VWA8: variants seen among roughly 807,000 people sequenced by gnomAD.
VWA8 encodes von Willebrand factor A domain containing 8, also known as von Willebrand factor A domain-containing protein 8.
Under a neutral mutation model 241.5 loss-of-function variants are expected in VWA8, and 221 were observed. The observed-to-expected ratio is 0.91, with a 90% CI of 0.82 to 1.02. The LOEUF (loss-of-function observed/expected upper bound fraction) is 1.02. VWA8 is among the 50% of genes least tolerant of loss of function. The pLI is 0.00. For synonymous variants in VWA8, 852 were observed against 827.1 expected (o/e 1.03, Z -0.52); for missense variants, 2,322 against 2,328.7 (o/e 1.00, Z 0.06).
chr13:41,958,129 C>T (rs1293285371), intron 1 of VWA8, among the ~76,000 whole-genome samples: 1 of 152,170 alleles, frequency 6.6e-6, no homozygotes, highest in East Asian at 1.9e-4. Context: ...TCTGACAGCA[C>T]AGGATAAAAA....
intron 20 of VWA8, among the ~76,000 whole-genome samples, chr13:41,770,354 TGGCGTGAACCCGGGA>T (rs2045810961): frequency 1.4e-5 from 2 of 147,338 alleles, no homozygotes; most frequent in Non-Finnish European, 3.0e-5. Flanking sequence ...GGCAGGAGAA[TGGCGTGAACCCGGGA>T]GGCAGAGCTT....
In VWA8 at chr13:41,739,848, G is replaced by GTTTT. The variant is rs1179107917; in HGVS notation, c.2427-7697_2427-7694dup. Among the ~76,000 whole-genome samples the GTTTT allele has an allele frequency of 3.9e-4, 20 of 50,910 alleles. 2 individuals carry two copies. The highest frequency in any genetic ancestry group is 5.7e-4 in the Non-Finnish European group (13 of 22,634). The allele number at this position is 50,910 out of a possible 152,430, so 33.4% of individuals were successfully genotyped here. A position where few individuals can be genotyped will look rare whatever the true frequency, so the allele number is the denominator to read the frequency against. On this transcript the variant is annotated intron_variant, in intron 21 of 44. Coordinates refer to ENST00000379310, the MANE Select transcript of VWA8 (RefSeq NM_015058.2). ...TTTTGTTTTTTTTTTTGTTTTTTTT[G>GTTTT]TTTTTTTTGTTTTTTTTTTTTTTTG...
chr13:41,746,847 T>C (rs1489836360), intron 21 of VWA8, among the ~76,000 whole-genome samples: 6 of 152,210 alleles, frequency 3.9e-5, no homozygotes, highest in Non-Finnish European at 4.4e-5. Flanking sequence ...TATTATAGTA[T>C]ATATAGGCTG....
At chr13:41,731,566 T>G (rs2137864508) in intron 22 of VWA8, among the ~76,000 whole-genome samples, 1 of 152,206 alleles carries the variant, frequency 6.6e-6, no homozygotes, top group South Asian at 2.1e-4. Context: ...TTTGCATATA[T>G]CCTCTCCTAA....
At chr13:41,609,663 T>C (rs2139659436) in intron 39 of VWA8, among the ~76,000 whole-genome samples, 1 of 152,308 alleles carries the variant, frequency 6.6e-6, no homozygotes. Context: ...TACATGAAAG[T>C]AGAAAGCAAC....
At chr13:41,901,725 A>G (rs1875434386) in intron 4 of VWA8, among the ~76,000 whole-genome samples, 2 of 150,982 alleles carry the variant, frequency 1.3e-5, no homozygotes, top group South Asian at 4.2e-4. Context: ...AATTACCCAA[A>G]TGTGATGGTG....
chr13:41,621,934 G>C (rs2044659658), intron 37 of VWA8, among the ~76,000 whole-genome samples: 1 of 152,162 alleles, frequency 6.6e-6, no homozygotes, highest in African/African-American at 2.4e-5. Context: ...ACACAAGGCA[G>C]TTTCACACCA....
chr13:41,664,892 T>C (rs995611578), intron 37 of VWA8, among the ~76,000 whole-genome samples: 2 of 152,190 alleles, frequency 1.3e-5, no homozygotes, highest in South Asian at 2.1e-4. Context: ...CTTTGCTGCA[T>C]GTTTTTTGGT....
chr13:41,756,647 T>C (rs2045696749), intron 21 of VWA8, among the ~76,000 whole-genome samples: 1 of 151,740 alleles, frequency 6.6e-6, no homozygotes, highest in Non-Finnish European at 1.5e-5. Flanking sequence ...TGTATATACA[T>C]CTCCATGGTG....
At chr13:41,886,472 G>T (rs1874544004) in intron 7 of VWA8, among the ~76,000 whole-genome samples, 1 of 151,840 alleles carries the variant, frequency 6.6e-6, no homozygotes, top group Non-Finnish European at 1.5e-5. Context: ...CATTATTTAG[G>T]ACCCATTTCA....
chr13:41,689,618 G>A, intron 33 of VWA8, 110 bp from the exon 34 acceptor site: 1 of 1,124,742 alleles, frequency 8.9e-7, no homozygotes, highest in Non-Finnish European at 1.2e-6. Flanking sequence ...AGTTAAAAAA[G>A]AGAAAACATT....
chr13:41,774,926 T>G (rs1868519799), intron 20 of VWA8, among the ~76,000 whole-genome samples: 1 of 152,034 alleles, frequency 6.6e-6, no homozygotes, highest in African/African-American at 2.4e-5. Flanking sequence ...CCCAGCTTAT[T>G]ACTTTTCCAT....
At chr13:41,711,201 T>C (rs186003387) in intron 26 of VWA8, among the ~76,000 whole-genome samples, 12 of 152,300 alleles carry the variant, frequency 7.9e-5, no homozygotes, top group African/African-American at 2.2e-4. Context: ...GGGAAGGAAG[T>C]TACTACTTAT....
chr13:41,758,632 C>CGCCT (rs2045717249), intron 21 of VWA8, among the ~76,000 whole-genome samples: 1 of 150,178 alleles, frequency 6.7e-6, no homozygotes, highest in Non-Finnish European at 1.5e-5. Context: ...TTTATATACA[C>CGCCT]ATTCATGCAA....
intron 12 of VWA8, among the ~76,000 whole-genome samples, chr13:41,853,575 A>AT (rs1384277791): frequency 2.0e-5 from 3 of 151,698 alleles, no homozygotes; most frequent in African/African-American, 4.8e-5. Flanking sequence ...ATTTGTTCTC[A>AT]TTTTTTCATT....
intron 1 of VWA8, among the ~76,000 whole-genome samples, chr13:41,956,396 C>CT (rs1476297810): frequency 1.3e-5 from 2 of 152,206 alleles, no homozygotes; most frequent in Non-Finnish European, 2.9e-5. Flanking sequence ...AATTCCCACA[C>CT]TAGTCTATGT....
At chr13:41,820,248 C>T (rs775398102) in intron 14 of VWA8, among the ~76,000 whole-genome samples, 7 of 152,116 alleles carry the variant, frequency 4.6e-5, no homozygotes, top group Non-Finnish European at 1.0e-4. Flanking sequence ...AGAGATAAAA[C>T]ATAAACACTT....
chr13:41,732,480 T>TA (rs200733874), intron 21 of VWA8, among the ~76,000 whole-genome samples: 1 of 150,188 alleles, frequency 6.7e-6, no homozygotes, highest in African/African-American at 2.4e-5. Context: ...GACGAGAAAC[T>TA]AAAAAATATA....
chr13:41,631,352 C>T (rs1245592840), intron 37 of VWA8, among the ~76,000 whole-genome samples: 1 of 151,984 alleles, frequency 6.6e-6, no homozygotes, highest in African/African-American at 2.4e-5. Context: ...GGCAGGAAAC[C>T]CTGTTAGCTC....
Sources: gnomAD v4.1 joint callset for allele counts (sites outside exome capture counted in the v4.1 genomes callset) on GRCh38, gnomAD v4.1.1 for gene constraint, MANE v1.5 for transcripts, NCBI Gene and HGNC (gene_info 2026-07-23, HGNC 2026-07-21) for gene names.